Variants in HERC3 observed in about 807,000 individuals in gnomAD.
HERC3 encodes probable E3 ubiquitin-protein ligase HERC3.
A neutral mutation model predicts 129.9 loss-of-function variants in HERC3; 58 were observed. The ratio of observed to expected loss-of-function variants is 0.45; its 90% confidence interval spans 0.36 to 0.56. HERC3 has a LOEUF of 0.56. Among genes scored for constraint, HERC3 ranks in the 20% least tolerant of loss-of-function variants. The pLI is 0.00. For missense variants in HERC3, 835 were observed against 1,244.2 expected (o/e 0.67, Z 4.95); for synonymous variants, 430 against 451.0 (o/e 0.95, Z 0.59).
In HERC3 at chr4:88,689,642, A is replaced by G. The variant is rs188248669; in HGVS notation, c.2657+2343A>G. On this transcript the variant is annotated intron_variant, in intron 23 of 25. Transcript: ENST00000402738. ...TCCAAGGCTGGAGTGCAGTGGTGCA[A>G]TCTCGGCTCACTGCAACCTTCACCT... Among the ~76,000 whole-genome samples, 1,282 of 151,182 alleles carry G rather than the reference A, an allele frequency of 8.5e-3. 21 individuals carry two copies. Among genetic ancestry groups the G allele is most frequent in the African/African-American group, 0.03 (1,217 of 41,104 alleles).
At position 88,651,093 on chromosome 4, in the gene HERC3, A is replaced by G. The variant is rs187903561; in HGVS notation, c.387-919A>G. Among the ~76,000 whole-genome samples, 34 of 152,346 alleles carry G rather than the reference A, an allele frequency of 2.2e-4. No individual in the cohort carries two copies. The South Asian group carries it at 2.9e-3, about 13-fold the overall frequency. Reference sequence around the variant, plus strand: ...GGGAGAGGAAGAGTGGCAGTAAGAAAAAAGAAGTGCTAGATGTTATGTTGT... The same window carrying G: ...GGGAGAGGAAGAGTGGCAGTAAGAAGAAAGAAGTGCTAGATGTTATGTTGT... On this transcript the variant is annotated intron_variant, in intron 4 of 25. Coordinates refer to ENST00000402738, the MANE Select transcript of HERC3 (RefSeq NM_014606.3).
chr4:88,557,339 G>A, the HERC3 span, among the ~76,000 whole-genome samples: 1 of 152,154 alleles, frequency 6.6e-6, no homozygotes, highest in Non-Finnish European at 1.5e-5. Context: ...GACTCAATAA[G>A]TAGTCATAAA....
intron 3 of HERC3, among the ~76,000 whole-genome samples, chr4:88,610,901 C>T (rs1724242350): frequency 6.6e-6 from 1 of 152,224 alleles, no homozygotes; most frequent in Non-Finnish European, 1.5e-5. Context: ...TGAGTGAGCT[C>T]TGGCAAAGCA....
chr4:88,706,650 C>T, intron 25 of HERC3, 102 bp from the exon 26 acceptor site: 2 of 850,936 alleles, frequency 2.4e-6, no homozygotes, highest in Non-Finnish European at 3.8e-6. Flanking sequence ...ACTTCTCATG[C>T]AAGCCACAGG....
Position 88,668,014 on chromosome 4 carries a change from T to C in HERC3, c.1566T>C (p.Tyr522=), listed in dbSNP as rs148184198. 3 of 1,613,504 alleles carry C rather than the reference T, an allele frequency of 1.9e-6. No homozygotes were observed. The African/African-American group carries it at 4.0e-5, about 22-fold the overall frequency. ...EFPLLQDSKY[Y]ITLTIPLAMA... is the part of the protein sequence containing the mutation. ...CCCTACTCCAGGATTCCAAGTATTA[T>C]ATAACATTGACTATTCCCTTGGCTA... is the stretch of plus-strand genomic sequence containing the variant. The change falls in exon 14 of 26, where the codon TAT becomes TAC. Residue 522 remains tyrosine, a synonymous_variant. Coordinates refer to ENST00000402738, the MANE Select transcript of HERC3 (RefSeq NM_014606.3).
chr4:88,677,942 T>C lies in HERC3; in HGVS notation c.2026-22T>C, dbSNP rs750766586. Reference sequence around the variant, plus strand: ...TCACACGTGTGCTCTGAGTAATTGCTTTCTTGACTGTGCCATTCCAGGTGG... The same window carrying C: ...TCACACGTGTGCTCTGAGTAATTGCCTTCTTGACTGTGCCATTCCAGGTGG... On this transcript the variant is annotated intron_variant, in intron 18 of 25. Coordinates refer to ENST00000402738, the MANE Select transcript of HERC3 (RefSeq NM_014606.3). 1.9e-6 allele frequency: 3 copies of C among 1,607,634 alleles called. No homozygotes were observed. The Middle Eastern group carries it at 5.9e-4, about 316-fold the overall frequency.
chr4:88,681,348 G>C (rs375688107), intron 21 of HERC3, 23 bp downstream of exon 21: 64 of 1,597,036 alleles, frequency 4.0e-5, no homozygotes, highest in Non-Finnish European at 1.8e-5. Flanking sequence ...AAGGCGATTG[G>C]TATCTGAAAC....
intron 3 of HERC3, among the ~76,000 whole-genome samples, chr4:88,615,907 A>G (rs947182085): frequency 1.3e-5 from 2 of 152,212 alleles, no homozygotes; most frequent in Non-Finnish European, 2.9e-5. Flanking sequence ...TTGTGTTGAC[A>G]CTTTTCATTA....
intron 21 of HERC3, among the ~76,000 whole-genome samples, chr4:88,685,160 T>A (rs1387270242): frequency 6.6e-6 from 1 of 152,342 alleles, no homozygotes; most frequent in African/African-American, 2.4e-5. Context: ...TGTAAATTAG[T>A]TCAACCATTG....
intron 3 of HERC3, among the ~76,000 whole-genome samples, chr4:88,623,786 T>A (rs1434629287): frequency 6.6e-6 from 1 of 152,220 alleles, no homozygotes; most frequent in Non-Finnish European, 1.5e-5. Context: ...GCTTTATTAT[T>A]TTAAAATCAA....
At chr4:88,672,385 T>G (rs1448564325) in intron 16 of HERC3, among the ~76,000 whole-genome samples, 2 of 152,234 alleles carry the variant, frequency 1.3e-5, no homozygotes, top group Non-Finnish European at 2.9e-5. Context: ...TATGGAAAAT[T>G]ACATGAAATT....
the HERC3 span, among the ~76,000 whole-genome samples, chr4:88,546,270 A>G: frequency 6.6e-6 from 1 of 152,178 alleles, no homozygotes; most frequent in Non-Finnish European, 1.5e-5. Context: ...ATTGCTGGTT[A>G]CCTTGGCAGA....
intron 12 of HERC3, among the ~76,000 whole-genome samples, chr4:88,665,373 G>T (rs552103899): frequency 6.6e-6 from 1 of 152,312 alleles, no homozygotes; most frequent in South Asian, 2.1e-4. Flanking sequence ...AAATGGGTGG[G>T]GGCTGCTGGT....
intron 23 of HERC3, among the ~76,000 whole-genome samples, chr4:88,698,157 C>T (rs561850134): frequency 7.0e-4 from 107 of 152,290 alleles, no homozygotes; most frequent in African/African-American, 2.4e-3. Context: ...CCATCCAGGC[C>T]CTTCTACAAA....
At chr4:88,543,082 G>T in the HERC3 span, among the ~76,000 whole-genome samples, 1 of 152,116 alleles carries the variant, frequency 6.6e-6, no homozygotes, top group Non-Finnish European at 1.5e-5. Context: ...TGGAAGTTCT[G>T]GCCAGGGCAA....
intron 4 of HERC3, among the ~76,000 whole-genome samples, chr4:88,650,668 C>G (rs1464216255): frequency 6.6e-6 from 1 of 152,168 alleles, no homozygotes; most frequent in African/African-American, 2.4e-5. Flanking sequence ...TCAATTCTTA[C>G]TCCTTTGTGC....
intron 23 of HERC3, among the ~76,000 whole-genome samples, chr4:88,688,139 G>A (rs1733678934): frequency 6.6e-6 from 1 of 152,188 alleles, no homozygotes; most frequent in Non-Finnish European, 1.5e-5. Context: ...AGGGTAAGAG[G>A]CTACAACACT....
intron 4 of HERC3, among the ~76,000 whole-genome samples, chr4:88,650,538 G>C (rs1360999131): frequency 6.6e-6 from 1 of 152,148 alleles, no homozygotes; most frequent in African/African-American, 2.4e-5. Context: ...GTATCTAATA[G>C]TTGCCACTAA....
intron 23 of HERC3, among the ~76,000 whole-genome samples, chr4:88,694,710 A>G (rs1193894197): frequency 1.3e-5 from 2 of 152,124 alleles, no homozygotes; most frequent in Non-Finnish European, 2.9e-5. Context: ...GGAAGAACTG[A>G]CGTTTTTGTG....
Sources: allele counts gnomAD v4.1 joint callset (sites outside exome capture counted in the v4.1 genomes callset), GRCh38; gene constraint gnomAD v4.1.1; transcripts MANE v1.5; gene names NCBI Gene and HGNC (gene_info 2026-07-23, HGNC 2026-07-21).